The following NLRP5 variants were observed in gnomAD, a reference collection of about 807,000 sequenced individuals.
NLRP5 encodes the protein NLR family pyrin domain containing 5.
Under a neutral mutation model 113.1 loss-of-function variants are expected in NLRP5, and 93 were observed. The ratio of observed to expected loss-of-function variants is 0.82; its 90% CI spans 0.70 to 0.98. The LOEUF is 0.98. Ranked by LOEUF, NLRP5 falls within the 50% of genes least tolerant of loss-of-function variation. The probability of loss-of-function intolerance (pLI) is 0.00; values close to 1 mark genes in which losing one functional copy is unlikely to be tolerated. For synonymous variants in NLRP5, 751 were observed against 600.7 expected, an observed-to-expected ratio of 1.25 and a Z score of -3.66; for missense variants, 1,808 against 1,514.3, an observed-to-expected ratio of 1.19 and a Z score of -3.22.
rs2123346468 is a variant in NLRP5, at chr19:56,058,316, A to G, written c.3376A>G (p.Ser1126Gly). The change falls in exon 14 of 15, where the codon AGT (serine) becomes GGT (glycine). Residue 1126 changes from serine (S) to glycine (G), a missense_variant. Ser to Gly is a moderately conservative substitution (Grantham distance 56). Transcript: ENST00000390649. The stretch of plus-strand genomic sequence containing the variant: ...CCTTTCCTGCAACCGGCATCTGACC[A>G]GTCTAAACCTGGTGCAGAATAACTT... 9 of 1,613,904 alleles carry G rather than the reference A, an allele frequency of 5.6e-6. No individual in the cohort carries two copies. The highest frequency in any genetic ancestry group is 7.6e-6 in the Non-Finnish European group (9 of 1,179,794).
chr19:56,016,451 C>A (rs1054055189), intron 4 of NLRP5, among the ~76,000 whole-genome samples: 32 of 152,206 alleles, frequency 2.1e-4, no homozygotes, highest in Non-Finnish European at 1.2e-4. Context: ...CCACACCCAG[C>A]TGTGCTGAGA....
intron 6 of NLRP5, among the ~76,000 whole-genome samples, chr19:56,024,978 G>T (rs1246980542): frequency 6.6e-6 from 1 of 152,064 alleles, no homozygotes; most frequent in Admixed American, 6.6e-5. Context: ...TGTCAGATCG[G>T]ATGTGGCATT....
chr19:56,030,745 T>C (rs1245745463), intron 7 of NLRP5, among the ~76,000 whole-genome samples: 11 of 106,780 alleles, frequency 1.0e-4, no homozygotes, highest in Admixed American at 1.0e-3. Flanking sequence ...GACGGAGTCT[T>C]GCTCGGTCAC....
intron 11 of NLRP5, among the ~76,000 whole-genome samples, chr19:56,048,278 G>A (rs1983801151): frequency 6.6e-6 from 1 of 152,086 alleles, no homozygotes; most frequent in Non-Finnish European, 1.5e-5. Flanking sequence ...TGTACCTTGG[G>A]TTTTGTTTTT....
chr19:56,016,387 A>G (rs968716633), intron 4 of NLRP5, among the ~76,000 whole-genome samples: 1 of 152,142 alleles, frequency 6.6e-6, no homozygotes, highest in African/African-American at 2.4e-5. Context: ...TCCCGACCTC[A>G]GGTGATCCAC....
chr19:56,006,779 G>C lies in NLRP5; in HGVS notation c.443-2009G>C, dbSNP rs531379454. Among the ~76,000 whole-genome samples the C allele has an allele frequency of 8.6e-5, 13 of 151,392 alleles. No homozygotes were observed. In the South Asian group the frequency reaches 2.5e-3, roughly 29 times the overall value. On this transcript the variant is annotated intron_variant, in intron 2 of 14. Coordinates refer to ENST00000390649, the MANE Select transcript of NLRP5 (RefSeq NM_153447.4). Reference sequence around the variant, plus strand: ...TTTTGAGACGGAGTCTGGCTCTGTCGCCCAGGCTGGAGTGCAGTGGCGCAA... The same window carrying C: ...TTTTGAGACGGAGTCTGGCTCTGTCCCCCAGGCTGGAGTGCAGTGGCGCAA...
chr19:56,003,766 C>T lies in NLRP5; in HGVS notation c.113C>T (p.Pro38Leu), dbSNP rs775602942. The change falls in exon 2 of 15, where the codon CCA (proline) becomes CTA (leucine). Residue 38 changes from proline (P) to leucine (L), a missense_variant. By Grantham distance (98) the Pro-to-Leu change is moderately conservative (BLOSUM62 -3). Transcript: ENST00000390649. Reference sequence around the variant, plus strand: ...ACTTGCTCTATATTACCAAAGAATCCACTTTTCCCCCAAAACCTGAGCTCT... The same window carrying T: ...ACTTGCTCTATATTACCAAAGAATCTACTTTTCCCCCAAAACCTGAGCTCT... The T allele has an allele frequency of 9.3e-6, 15 of 1,613,428 alleles. No individual in the cohort carries two copies. The highest frequency in any genetic ancestry group is 3.3e-5 in the Admixed American group (2 of 59,886).
chr19:55,988,118 C>T, the NLRP5 span: 16 of 468,346 alleles, frequency 3.4e-5, no homozygotes, highest in Non-Finnish European at 5.5e-5. Context: ...TAAGGCTGGG[C>T]GTGGTGGCTC....
At chr19:56,020,225 A>G in intron 5 of NLRP5, 150 bp from the exon 6 acceptor site, 1 of 808,594 alleles carries the variant, frequency 1.2e-6, no homozygotes, top group South Asian at 1.7e-5. Flanking sequence ...TCATTGTACC[A>G]GTGCACTCTG....
intron 11 of NLRP5, among the ~76,000 whole-genome samples, chr19:56,049,465 G>C (rs185809974): frequency 6.6e-6 from 1 of 152,136 alleles, no homozygotes; most frequent in Non-Finnish European, 1.5e-5. Flanking sequence ...ATAGGCATGA[G>C]CCACCGTGCC....
At chr19:56,053,904 T>C (rs1418434470) in intron 13 of NLRP5, 96 bp downstream of exon 13, 12 of 1,145,110 alleles carry the variant, frequency 1.0e-5, no homozygotes, top group African/African-American at 1.5e-5. Flanking sequence ...TGATCTGGTT[T>C]CCATGAGTCC....
intron 6 of NLRP5, 34 bp downstream of exon 6, chr19:56,020,465 C>T (rs750833567): frequency 1.9e-6 from 3 of 1,603,302 alleles, no homozygotes; most frequent in South Asian, 2.2e-5. Flanking sequence ...TGGTTGCCCT[C>T]CTGGAAGAAA....
chr19:55,998,499 G>A (rs140842291), upstream of NLRP5, among the ~76,000 whole-genome samples: 11,199 of 151,360 alleles, frequency 0.074, 473 homozygotes, highest in African/African-American at 0.12. Flanking sequence ...TAAAAATACA[G>A]AAAATTAGCC....
At chr19:56,056,400 T>C (rs1339395861) in intron 13 of NLRP5, among the ~76,000 whole-genome samples, 3 of 151,882 alleles carry the variant, frequency 2.0e-5, no homozygotes, top group Non-Finnish European at 4.4e-5. Flanking sequence ...CTACTAAAAA[T>C]ATAAAAGTTA....
chr19:55,999,796 C>A lies in NLRP5; in HGVS notation c.62+9C>A, dbSNP rs766901847. On this transcript the variant is annotated intron_variant, in intron 1 of 14. Transcript: ENST00000390649. ...TCAGCATCACCACGTGCGTCGACAGCCTCTTAGAGTTACCTATGAGGAAAC... is the reference window on the plus strand; with the variant it reads ...TCAGCATCACCACGTGCGTCGACAGACTCTTAGAGTTACCTATGAGGAAAC... The A allele has an allele frequency of 8.7e-6, 14 of 1,610,610 alleles. No individual in the cohort carries two copies. The South Asian group carries it at 1.3e-4, about 15-fold the overall frequency.
intron 9 of NLRP5, among the ~76,000 whole-genome samples, chr19:56,036,590 A>G (rs1790474660): frequency 6.6e-6 from 1 of 152,196 alleles, no homozygotes; most frequent in African/African-American, 2.4e-5. Flanking sequence ...GCAGAACAAG[A>G]CAAAAAGAAT....
chr19:56,038,136 G>A lies in NLRP5; in HGVS notation c.2727G>A (p.Gln909=). The change falls in exon 10 of 15, where the codon CAG becomes CAA. Residue 909 remains glutamine, a synonymous_variant. Transcript: ENST00000390649. ...TGGCAGGAAACAAGGTGACAGACCA[G>A]GGAGTAATGCCTCTCAGTGATGCCT... 6.2e-7 allele frequency: 1 copy of A among 1,613,962 alleles called. No individual in the cohort carries two copies. Among genetic ancestry groups the A allele is most frequent in the Non-Finnish European group, 8.5e-7 (1 of 1,179,862 alleles).
chr19:56,010,742 C>CAAAAAAAAAAAAAACAAAAAAAAAAAAA (rs1412317286), intron 3 of NLRP5, among the ~76,000 whole-genome samples: 1 of 41,278 alleles, frequency 2.4e-5, no homozygotes, highest in Non-Finnish European at 4.3e-5. Context: ...AACTCTGTCT[C>CAAAAAAAAAAAAAACAAAAAAAAAAAAA]AAAAAAAAAA....
At chr19:56,039,888 T>C (rs1386682828) in intron 10 of NLRP5, among the ~76,000 whole-genome samples, 1 of 152,120 alleles carries the variant, frequency 6.6e-6, no homozygotes, top group Non-Finnish European at 1.5e-5. Flanking sequence ...CACTCCAGCC[T>C]GGGCAACAAG....
Sources: gnomAD v4.1 joint callset for allele counts (sites outside exome capture counted in the v4.1 genomes callset) on GRCh38, gnomAD v4.1.1 for gene constraint, MANE v1.5 for transcripts, NCBI Gene and HGNC (gene_info 2026-07-23, HGNC 2026-07-21) for gene names.